The following RERE variants were observed in gnomAD, a reference collection of about 807,000 sequenced individuals.
The protein encoded by RERE is arginine-glutamic acid dipeptide repeats protein.
In RERE, 40 loss-of-function variants were observed where a neutral mutation model predicts 146.1. The observed-to-expected ratio is 0.27, with a 90% CI of 0.21 to 0.36. The LOEUF (loss-of-function observed/expected upper bound fraction) is 0.36. Ranked by LOEUF, RERE falls within the 10% of genes least tolerant of loss-of-function variation. The pLI, the probability that RERE is intolerant of heterozygous loss-of-function variation, is 1.00. For synonymous variants in RERE, 1,003 were observed against 866.0 expected (o/e 1.16, Z -2.78); for missense variants, 1,933 against 2,138.7 (o/e 0.90, Z 1.90).
intron 1 of RERE, among the ~76,000 whole-genome samples, chr1:8,714,937 G>A (rs905689910): frequency 2.0e-5 from 3 of 151,874 alleles, no homozygotes; most frequent in Non-Finnish European, 2.9e-5. Context: ...GCAGTGGAGC[G>A]ATCCTGGCTC....
Position 8,801,427 on chromosome 1 carries a change from G to A in RERE, c.-145+15733C>T, listed in dbSNP as rs532726576. ...TAGGATTACAGGCATGTGCCACCAC[G>A]TCAGGCTAATTTTGTAATTTTAGTA... On this transcript the variant is annotated intron_variant, in intron 1 of 22. Transcript: ENST00000400908. Among the ~76,000 whole-genome samples, 391 of 152,162 alleles carry A rather than the reference G, an allele frequency of 2.6e-3. 3 individuals carry two copies. Among genetic ancestry groups the A allele is most frequent in the African/African-American group, 8.9e-3 (368 of 41,522 alleles).
At chr1:8,798,072 A>C (rs1641510758) in intron 1 of RERE, among the ~76,000 whole-genome samples, 1 of 152,220 alleles carries the variant, frequency 6.6e-6, no homozygotes, top group Non-Finnish European at 1.5e-5. Flanking sequence ...CAACCTGGGA[A>C]ACATAGCAAG....
At chr1:8,779,058 G>A (rs561988160) in intron 1 of RERE, among the ~76,000 whole-genome samples, 1 of 151,248 alleles carries the variant, frequency 6.6e-6, no homozygotes, top group East Asian at 2.0e-4. Context: ...TGTTGGCCAG[G>A]CTGGTCTCGA....
intron 3 of RERE, among the ~76,000 whole-genome samples, chr1:8,615,218 G>T (rs1296079516): frequency 1.2e-4 from 19 of 152,112 alleles, no homozygotes; most frequent in South Asian, 2.1e-4. Context: ...AAAGCTGAAG[G>T]CAAAGTAAAT....
chr1:8,810,964 GTAATAAAGTGATACCACC>G (rs1222505941), intron 1 of RERE, among the ~76,000 whole-genome samples: 1 of 152,126 alleles, frequency 6.6e-6, no homozygotes, highest in Non-Finnish European at 1.5e-5. Context: ...TAAGACAAAT[GTAATAAAGTGATACCACC>G]TAAAAAAAGG....
chr1:8,504,288 A>C (rs1284644013), intron 8 of RERE, among the ~76,000 whole-genome samples: 1 of 152,234 alleles, frequency 6.6e-6, no homozygotes, highest in Admixed American at 6.5e-5. Flanking sequence ...ATCATGTCTT[A>C]CTAGAGAAAA....
chr1:8,361,020 C>A lies in RERE; in HGVS notation c.2487G>T (p.Leu829=). The A allele has an allele frequency of 7.0e-7, 1 of 1,435,670 alleles. No individual in the cohort carries two copies. 88.9% of individuals were successfully genotyped at this position (1,435,670 alleles called of 1,614,324 possible). ...HPSPHPPLQP[L]TGSAGQPSAP... ...CAGAAGGCTGGCCCGCCGACCCAGT[C>A]AGAGGCTGCAGCGGGGGATGTGGCG... The change falls in exon 18 of 23, where the codon CTG becomes CTT. Residue 829 remains leucine, a synonymous_variant. Coordinates refer to ENST00000400908, the MANE Select transcript of RERE (RefSeq NM_001042681.2).
chr1:8,744,426 A>G (rs375373585), intron 1 of RERE, among the ~76,000 whole-genome samples: 26 of 152,228 alleles, frequency 1.7e-4, no homozygotes, highest in Admixed American at 1.3e-4. Flanking sequence ...TTCCACATAC[A>G]TGCCCTCTAA....
intron 4 of RERE, among the ~76,000 whole-genome samples, chr1:8,561,982 G>A (rs567656295): frequency 3.2e-4 from 48 of 152,286 alleles, no homozygotes; most frequent in Non-Finnish European, 6.5e-4. Context: ...GTGACTTTGG[G>A]CAAGTAACTT....
Position 8,614,549 on chromosome 1 carries a change from G to A in RERE, c.522+12C>T. On this transcript the variant is annotated intron_variant, in intron 4 of 22. Coordinates refer to ENST00000400908, the MANE Select transcript of RERE (RefSeq NM_001042681.2). ...AAATACTGATAGCTTTTAAAAACGGGATTCTCCTTACCCCTACAGGCCCTC... is the reference window on the plus strand; with the variant it reads ...AAATACTGATAGCTTTTAAAAACGGAATTCTCCTTACCCCTACAGGCCCTC... The A allele has an allele frequency of 6.2e-7, 1 of 1,605,132 alleles. No individual in the cohort carries two copies. Among genetic ancestry groups the A allele is most frequent in the South Asian group, 1.1e-5 (1 of 89,752 alleles).
At chr1:8,668,754 G>C (rs957041487) in intron 1 of RERE, among the ~76,000 whole-genome samples, 1 of 152,138 alleles carries the variant, frequency 6.6e-6, no homozygotes, top group African/African-American at 2.4e-5. Context: ...GTACAGAAAA[G>C]ACAGATCCAT....
intron 1 of RERE, among the ~76,000 whole-genome samples, chr1:8,690,386 T>C (rs1639183807): frequency 6.6e-6 from 1 of 152,190 alleles, no homozygotes; most frequent in Non-Finnish European, 1.5e-5. Flanking sequence ...CCAAATACTA[T>C]AGCACTTGGG....
intron 1 of RERE, among the ~76,000 whole-genome samples, chr1:8,731,071 C>T (rs1204729634): frequency 6.6e-6 from 1 of 152,106 alleles, no homozygotes; most frequent in Non-Finnish European, 1.5e-5. Context: ...CAGAGAATCA[C>T]AGAAAAGATC....
intron 4 of RERE, among the ~76,000 whole-genome samples, chr1:8,568,829 ATCTG>A (rs142778772): frequency 3.3e-4 from 50 of 152,304 alleles, no homozygotes; most frequent in African/African-American, 1.2e-3. Context: ...ATCCCCTCTC[ATCTG>A]TCTGTCTATC....
chr1:8,726,301 G>A (rs1044999148), intron 1 of RERE, among the ~76,000 whole-genome samples: 2 of 151,498 alleles, frequency 1.3e-5, no homozygotes, highest in Non-Finnish European at 2.9e-5. Context: ...ACAAGCACAC[G>A]CCACCACGCT....
At chr1:8,622,427 A>G (rs2124220129) in intron 3 of RERE, among the ~76,000 whole-genome samples, 1 of 151,868 alleles carries the variant, frequency 6.6e-6, no homozygotes, top group East Asian at 1.9e-4. Flanking sequence ...CACTACCAAA[A>G]CAAAACTCTT....
At chr1:8,752,181 C>G (rs1244918891) in intron 1 of RERE, among the ~76,000 whole-genome samples, 1 of 151,926 alleles carries the variant, frequency 6.6e-6, no homozygotes, top group East Asian at 1.9e-4. Flanking sequence ...TCTTATACAC[C>G]ACATGCTGCT....
At chr1:8,422,703 T>C in intron 12 of RERE, 24 bp downstream of exon 12, 1 of 1,557,980 alleles carries the variant, frequency 6.4e-7, no homozygotes, top group Non-Finnish European at 8.9e-7. Context: ...AAAATCAAGT[T>C]ACATAAAGTC....
intron 1 of RERE, among the ~76,000 whole-genome samples, chr1:8,730,907 C>T (rs770753139): frequency 6.6e-6 from 1 of 152,174 alleles, no homozygotes; most frequent in East Asian, 1.9e-4. Context: ...TGCCAGGCTT[C>T]ATTTTCAGTT....
Sources: allele counts gnomAD v4.1 joint callset (sites outside exome capture counted in the v4.1 genomes callset), GRCh38; gene constraint gnomAD v4.1.1; transcripts MANE v1.5; gene names NCBI Gene and HGNC (gene_info 2026-07-23, HGNC 2026-07-21).